Variants in MAP3K2 observed in about 807,000 individuals in gnomAD.
MAP3K2 encodes the protein mitogen-activated protein kinase kinase kinase 2, also known as MAP/ERK kinase kinase 2.
MAP3K2 carries 24 observed loss-of-function variants against 80.3 expected under a neutral mutation model. The observed-to-expected ratio is 0.30, with a 90% CI of 0.22 to 0.42. MAP3K2 has a LOEUF of 0.42. Among genes scored for constraint, MAP3K2 ranks in the 10% least tolerant of loss-of-function variants. The pLI is 1.00. For synonymous variants in MAP3K2, 244 were observed against 253.7 expected (o/e 0.96, Z 0.36); for missense variants, 608 against 750.1 (o/e 0.81, Z 2.21).
rs76272736 is a variant in MAP3K2, at chr2:127,353,308, G to A, written c.-65-10114C>T. Among the ~76,000 whole-genome samples, 21 of 152,036 alleles carry A rather than the reference G, an allele frequency of 1.4e-4. 1 individual carries two copies. The highest frequency in any genetic ancestry group is 4.3e-4 in the African/African-American group (18 of 41,410). On this transcript the variant is annotated intron_variant, in intron 1 of 16. Transcript: ENST00000682094. ...GAGATGTGGGGAGGGCCTCTGCCCC[G>A]CCGCCCCGTCTGGGATGTGAGGAGC...
At chr2:127,349,715 A>G (rs986448545) in intron 1 of MAP3K2, among the ~76,000 whole-genome samples, 5 of 152,156 alleles carry the variant, frequency 3.3e-5, no homozygotes, top group South Asian at 2.1e-4. Flanking sequence ...CCATAATGCC[A>G]TATCACTCCA....
chr2:127,388,165 C>CT, upstream of MAP3K2: 41 of 984,836 alleles, frequency 4.2e-5, no homozygotes, highest in Non-Finnish European at 4.9e-5. Flanking sequence ...ATTCCCAGTC[C>CT]TGGCTCCGCC....
rs1686055619 is a variant in MAP3K2, at chr2:127,322,954, T to G, written c.839-702A>C. On this transcript the variant is annotated intron_variant, in intron 11 of 16. Coordinates refer to ENST00000682094, the MANE Select transcript of MAP3K2 (RefSeq NM_001371910.2). This position sits in a 1 kb window ranked among gnomAD's most constrained non-coding sequence, Gnocchi z 4.2. The stretch of plus-strand genomic sequence containing the variant: ...TCAATCTCATCATCAAAGAGTAATT[T>G]TCTAATATCATTTAAAAGTTACTCC... Among the ~76,000 whole-genome samples the G allele has an allele frequency of 6.6e-6, 1 of 151,840 alleles. No homozygotes were observed. The highest frequency in any genetic ancestry group is 1.5e-5 in the Non-Finnish European group (1 of 67,960).
At chr2:127,362,801 A>G (rs1686914070) in intron 1 of MAP3K2, among the ~76,000 whole-genome samples, 1 of 152,214 alleles carries the variant, frequency 6.6e-6, no homozygotes, top group Non-Finnish European at 1.5e-5. Context: ...TTTGTAAAGC[A>G]CTTAGAACAA....
At chr2:127,330,536 A>G (rs746837812) in intron 5 of MAP3K2, 31 bp from the exon 6 acceptor site, 2 of 1,100,754 alleles carry the variant, frequency 1.8e-6, no homozygotes, top group Admixed American at 2.0e-5. Flanking sequence ...CCATGCAGCT[A>G]TCTCACCAGG....
At chr2:127,384,706 C>A (rs892381320) in intron 1 of MAP3K2, among the ~76,000 whole-genome samples, 2 of 151,738 alleles carry the variant, frequency 1.3e-5, no homozygotes, top group Non-Finnish European at 2.9e-5. Flanking sequence ...CTCTGTTGCC[C>A]AGGCTGGTCT....
intron 5 of MAP3K2, among the ~76,000 whole-genome samples, chr2:127,331,738 T>G (rs1385153203): frequency 1.3e-5 from 2 of 152,234 alleles, no homozygotes; most frequent in Non-Finnish European, 2.9e-5. Flanking sequence ...CCCCAGTAGC[T>G]GGGTTTACAG....
intron 1 of MAP3K2, among the ~76,000 whole-genome samples, chr2:127,383,993 C>T (rs1687299171): frequency 6.6e-6 from 1 of 151,646 alleles, no homozygotes; most frequent in South Asian, 2.1e-4. Flanking sequence ...CCTGCCTCAG[C>T]CTCCCGAGTA....
Position 127,317,613 on chromosome 2 carries a change from A to C in MAP3K2, c.1326+16T>G. On this transcript the variant is annotated intron_variant, in intron 14 of 16. Coordinates refer to ENST00000682094, the MANE Select transcript of MAP3K2 (RefSeq NM_001371910.2). ...TTAAATAGAATGTGTATTTTCAAAA[A>C]GATGTACTAACTTACCCCTGGCATA... 1 of 1,517,462 alleles carries C rather than the reference A, an allele frequency of 6.6e-7. No homozygotes were observed. The highest frequency in any genetic ancestry group is 8.8e-7 in the Non-Finnish European group (1 of 1,135,690). The allele number at this position is 1,517,462 out of a possible 1,614,324, so 94.0% of individuals were successfully genotyped here.
At chr2:127,369,466 ACT>A (rs1491280522) in intron 1 of MAP3K2, among the ~76,000 whole-genome samples, 1 of 76,832 alleles carries the variant, frequency 1.3e-5, no homozygotes, top group Admixed American at 1.5e-4. Context: ...CCCCGTCTCT[ACT>A]AAAAAAAAAA....
At chr2:127,330,326 T>C (rs1686228753) in intron 6 of MAP3K2, 66 bp downstream of exon 6, 3 of 715,968 alleles carry the variant, frequency 4.2e-6, no homozygotes, top group Non-Finnish European at 7.0e-6. Flanking sequence ...TAATTATGTT[T>C]CATATGTTAA....
At chr2:127,384,358 C>T (rs1687308093) in intron 1 of MAP3K2, among the ~76,000 whole-genome samples, 1 of 151,872 alleles carries the variant, frequency 6.6e-6, no homozygotes, top group South Asian at 2.1e-4. Flanking sequence ...GCTATAACTA[C>T]CATAGACAGT....
Position 127,319,650 on chromosome 2 carries a change from C to CAAAAAAAAAAAA in MAP3K2, c.1046-1345_1046-1334dup, listed in dbSNP as rs57472022. 3.2e-3 allele frequency among the ~76,000 whole-genome samples: 233 copies of CAAAAAAAAAAAA among 71,834 alleles called. 4 individuals carry two copies. The highest frequency in any genetic ancestry group is 3.4e-3 in the African/African-American group (59 of 17,382). The allele number at this position is 71,834 out of a possible 152,430, so 47.1% of individuals were successfully genotyped here. A position where few individuals can be genotyped will look rare whatever the true frequency, so the allele number is the denominator to read the frequency against. On this transcript the variant is annotated intron_variant, in intron 12 of 16. Transcript: ENST00000682094. Reference sequence around the variant, plus strand: ...TGAAACCCCATCTCTACTAAAAATACAAAAAAAAAAAAAAAAAAAAAAAAA... The same window carrying CAAAAAAAAAAAA: ...TGAAACCCCATCTCTACTAAAAATACAAAAAAAAAAAAAAAAAAAAAAAAAAAAAAAAAAAAA...
At chr2:127,386,145 C>G (rs1451864607) in intron 1 of MAP3K2, among the ~76,000 whole-genome samples, 2 of 152,174 alleles carry the variant, frequency 1.3e-5, no homozygotes, top group Non-Finnish European at 2.9e-5. Flanking sequence ...AGTAATATAA[C>G]TGGGCATCAA....
Position 127,303,599 on chromosome 2 carries a change from G to A in MAP3K2, c.*3980C>T, listed in dbSNP as rs528892311. On this transcript the variant is annotated 3_prime_UTR_variant, in exon 17 of 17. Transcript: ENST00000682094. ...TTAAAACATCATTGCTGAACTTTCA[G>A]AGTTAGCGTATGCCATAAAATAAGT... 1 of 144,482 alleles carries A rather than the reference G, an allele frequency of 6.9e-6. No individual in the cohort carries two copies. Among genetic ancestry groups the A allele is most frequent in the African/African-American group, 2.6e-5 (1 of 39,062 alleles). 9.0% of individuals were successfully genotyped at this position (144,482 alleles called of 1,614,324 possible).
At chr2:127,340,398 C>A (rs541744024) in intron 2 of MAP3K2, among the ~76,000 whole-genome samples, 17 of 152,154 alleles carry the variant, frequency 1.1e-4, no homozygotes, top group Non-Finnish European at 2.5e-4. Flanking sequence ...ATGGCTCAAG[C>A]CTGTAATCCC....
At chr2:127,334,333 A>G (rs1026082603) in intron 5 of MAP3K2, among the ~76,000 whole-genome samples, 2 of 152,212 alleles carry the variant, frequency 1.3e-5, no homozygotes, top group East Asian at 3.8e-4. Flanking sequence ...TTGGCATTTG[A>G]AAGTTTTCCA....
intron 1 of MAP3K2, among the ~76,000 whole-genome samples, chr2:127,371,364 T>G (rs992338231): frequency 6.6e-6 from 1 of 152,182 alleles, no homozygotes; most frequent in Non-Finnish European, 1.5e-5. Context: ...CCCAGGCCTA[T>G]GCACAAGTGT....
intron 7 of MAP3K2, among the ~76,000 whole-genome samples, chr2:127,327,160 T>C (rs1686159652): frequency 6.6e-6 from 1 of 152,208 alleles, no homozygotes; most frequent in African/African-American, 2.4e-5. Context: ...TAACCCACTC[T>C]ATTTTACTTG....
Sources: gnomAD v4.1 joint callset for allele counts (sites outside exome capture counted in the v4.1 genomes callset) on GRCh38, gnomAD v4.1.1 for gene constraint, Gnocchi (gnomAD v3.1) non-coding constraint, MANE v1.5 for transcripts, NCBI Gene and HGNC (gene_info 2026-07-23, HGNC 2026-07-21) for gene names.